The following ZFYVE9 variants were observed in gnomAD, a reference collection of about 807,000 sequenced individuals.
ZFYVE9 encodes the protein zinc finger FYVE domain-containing protein 9.
In ZFYVE9, 43 loss-of-function variants were observed where a neutral mutation model predicts 126.7. The observed-to-expected ratio is 0.34, with a 90% CI of 0.27 to 0.44. The LOEUF is 0.44. ZFYVE9 is among the 20% of genes least tolerant of loss of function. The pLI is 1.00. For synonymous variants in ZFYVE9, 521 were observed against 597.4 expected (o/e 0.87, Z 1.87); for missense variants, 1,476 against 1,697.0 (o/e 0.87, Z 2.29).
chr1:52,204,045 C>G (rs1226827938), intron 1 of ZFYVE9, among the ~76,000 whole-genome samples: 1 of 151,726 alleles, frequency 6.6e-6, no homozygotes, highest in East Asian at 1.9e-4. Flanking sequence ...TCTGCTATAT[C>G]TGAATCTAGT....
rs779800671 is a variant in ZFYVE9 at position 52,303,945 on chromosome 1, C to T, written c.3438+20C>T. 1.6e-5 allele frequency: 25 copies of T among 1,531,168 alleles called. No homozygotes were observed. Among genetic ancestry groups the T allele is most frequent in the African/African-American group, 6.9e-5 (5 of 72,198 alleles). 94.8% of individuals were successfully genotyped at this position (1,531,168 alleles called of 1,614,324 possible). Reference sequence around the variant, plus strand: ...AATGAGGTAAGATTTACCATGAAGGCGTATTTTTCATAGTTGAAAACATGA... The same window carrying T: ...AATGAGGTAAGATTTACCATGAAGGTGTATTTTTCATAGTTGAAAACATGA... On this transcript the variant is annotated intron_variant, in intron 13 of 18. Transcript: ENST00000287727.
intron 12 of ZFYVE9, among the ~76,000 whole-genome samples, chr1:52,302,198 T>C (rs751206011): frequency 1.3e-5 from 2 of 152,190 alleles, no homozygotes; most frequent in Admixed American, 6.6e-5. Context: ...ATGTTTGGTA[T>C]TTTTTTATTG....
At chr1:52,270,811 A>G (rs925159770) in intron 7 of ZFYVE9, among the ~76,000 whole-genome samples, 1 of 147,596 alleles carries the variant, frequency 6.8e-6, no homozygotes, top group Non-Finnish European at 1.5e-5. Flanking sequence ...TTTTTTTCTC[A>G]TGACTAGTTT....
chr1:52,306,111 C>T (rs542000025), intron 13 of ZFYVE9, among the ~76,000 whole-genome samples: 1 of 152,272 alleles, frequency 6.6e-6, no homozygotes, highest in Non-Finnish European at 1.5e-5. Flanking sequence ...GCTGGGGGGC[C>T]AGGCCACCAG....
intron 15 of ZFYVE9, among the ~76,000 whole-genome samples, chr1:52,336,855 G>T (rs189803663): frequency 1.9e-4 from 29 of 151,076 alleles, no homozygotes; most frequent in African/African-American, 6.8e-4. Context: ...GCTGAGGTGG[G>T]AGGACCCTGT....
intron 12 of ZFYVE9, among the ~76,000 whole-genome samples, 163 bp downstream of exon 12, chr1:52,296,140 TACACACAC>T (rs548211770): frequency 6.6e-6 from 1 of 150,988 alleles, no homozygotes; most frequent in Non-Finnish European, 1.5e-5. Flanking sequence ...TATATATATA[TACACACAC>T]ACACATATAC....
chr1:52,177,759 A>T (rs960300983), intron 1 of ZFYVE9, among the ~76,000 whole-genome samples: 1 of 152,184 alleles, frequency 6.6e-6, no homozygotes, highest in African/African-American at 2.4e-5. Flanking sequence ...TTTTAAGCAG[A>T]GGAAAACCTG....
At chr1:52,271,058 A>C (rs760237064) in intron 7 of ZFYVE9, among the ~76,000 whole-genome samples, 10 of 152,306 alleles carry the variant, frequency 6.6e-5, no homozygotes, top group Non-Finnish European at 1.3e-4. Flanking sequence ...GCATGATGGC[A>C]CATGCCTGCA....
intron 2 of ZFYVE9, among the ~76,000 whole-genome samples, chr1:52,226,510 T>A (rs568418635): frequency 6.6e-6 from 1 of 152,222 alleles, no homozygotes; most frequent in African/African-American, 2.4e-5. Context: ...CACTCCAGCC[T>A]GGGTAGCAGA....
intron 1 of ZFYVE9, among the ~76,000 whole-genome samples, chr1:52,213,650 C>CA (rs368833088): frequency 0.012 from 1,725 of 146,138 alleles, 18 homozygotes; most frequent in African/African-American, 0.028. Context: ...GACTGTGTCT[C>CA]AAAAAAAAAA....
At chr1:52,309,214 C>T (rs190049824) in intron 13 of ZFYVE9, among the ~76,000 whole-genome samples, 38 of 152,250 alleles carry the variant, frequency 2.5e-4, no homozygotes, top group African/African-American at 8.9e-4. Flanking sequence ...TGGTGACTCA[C>T]GCTTGTAATC....
rs58847260 is a variant in ZFYVE9, at chr1:52,263,753, TCCCCC to T, written c.2179-9_2179-5del. 16 of 713,036 alleles carry T rather than the reference TCCCCC, an allele frequency of 2.2e-5. 1 individual carries two copies. Among genetic ancestry groups the T allele is most frequent in the Middle Eastern group, 3.0e-4 (1 of 3,352 alleles). The allele number at this position is 713,036 out of a possible 1,614,324, so 44.2% of individuals were successfully genotyped here. A position where few individuals can be genotyped will look rare whatever the true frequency, so the allele number is the denominator to read the frequency against. ...ATCCCAAGTAAATTTTGTGTGTTCT[TCCCCC>T]CCCCCCCCCCACAGGTTTTCTGTGC... On this transcript the variant is annotated splice_polypyrimidine_tract_variant and intron_variant, in intron 4 of 18. Coordinates refer to ENST00000287727, the MANE Select transcript of ZFYVE9 (RefSeq NM_004799.4).
At chr1:52,295,467 T>A (rs1645964378) in intron 11 of ZFYVE9, among the ~76,000 whole-genome samples, 1 of 152,064 alleles carries the variant, frequency 6.6e-6, no homozygotes, top group Non-Finnish European at 1.5e-5. Flanking sequence ...GCCATCCTTC[T>A]ACCTCTCAGC....
In ZFYVE9 at chr1:52,239,085, A is replaced by T. The variant is rs1355557736; in HGVS notation, c.1668A>T (p.Ser556=). 1 of 1,614,030 alleles carries T rather than the reference A, an allele frequency of 6.2e-7. No individual in the cohort carries two copies. Among genetic ancestry groups the T allele is most frequent in the Non-Finnish European group, 8.5e-7 (1 of 1,180,012 alleles). ...ATAATTTCTGTAGTCAAGTTCCATC[A>T]GTGCTTGGGCAATCTTCCCCCAAGG... ...YLHNFCSQVP[S]VLGQSSPKVV... is the part of the protein sequence containing the mutation. Residue 556 remains serine (S), a synonymous_variant, in exon 4 of 19, where the codon TCA becomes TCT. Transcript: ENST00000287727.
At chr1:52,252,251 C>G (rs1284032333) in intron 4 of ZFYVE9, 1 of 155,508 alleles carries the variant, frequency 6.4e-6, no homozygotes, top group Non-Finnish European at 1.4e-5. Context: ...TTCAAACATA[C>G]CTCTGTAATA....
chr1:52,219,795 GTGTGTGT>G, intron 2 of ZFYVE9, among the ~76,000 whole-genome samples: 1 of 149,776 alleles, frequency 6.7e-6, no homozygotes, highest in African/African-American at 2.5e-5. Flanking sequence ...GTGTGTGTGT[GTGTGTGT>G]GGCAGAGTCT....
intron 1 of ZFYVE9, among the ~76,000 whole-genome samples, chr1:52,153,103 G>A (rs1644372276): frequency 6.6e-6 from 1 of 152,220 alleles, no homozygotes; most frequent in Admixed American, 6.5e-5. Flanking sequence ...AGGAGAGCAT[G>A]GTCATGACTG....
chr1:52,167,040 T>A (rs78227587), intron 1 of ZFYVE9, among the ~76,000 whole-genome samples: 2,810 of 152,328 alleles, frequency 0.018, 107 homozygotes, highest in African/African-American at 0.065. Context: ...CAATATAATT[T>A]AAAAAGTTTT....
At chr1:52,168,206 TTCG>T in intron 1 of ZFYVE9, among the ~76,000 whole-genome samples, 2 of 149,552 alleles carry the variant, frequency 1.3e-5, no homozygotes, top group Non-Finnish European at 3.0e-5. Flanking sequence ...CTTCCTCCTC[TTCG>T]TCTTCTTTTT....
Sources: allele counts gnomAD v4.1 joint callset (sites outside exome capture counted in the v4.1 genomes callset), GRCh38; gene constraint gnomAD v4.1.1; transcripts MANE v1.5; gene names NCBI Gene and HGNC (gene_info 2026-07-23, HGNC 2026-07-21).